GABRB1: variants seen among roughly 807,000 people sequenced by gnomAD.
GABRB1 encodes gamma-aminobutyric acid type A receptor subunit beta1.
Under a neutral mutation model 51.6 loss-of-function variants are expected in GABRB1, and 17 were observed. That is an observed-to-expected ratio of 0.33 (90% CI 0.23 to 0.49). The LOEUF (loss-of-function observed/expected upper bound fraction) is 0.49, where lower values mean the gene tolerates loss of function less well. Among genes scored for constraint, GABRB1 ranks in the 20% least tolerant of loss-of-function variants. GABRB1 has a pLI of 0.99. For synonymous variants in GABRB1, 247 were observed against 218.9 expected, an observed-to-expected ratio of 1.13 and a Z score of -1.14; for missense variants, 410 against 600.6, an observed-to-expected ratio of 0.68 and a Z score of 3.32.
chr4:46,995,153 C>T (rs550671928), intron 1 of GABRB1, among the ~76,000 whole-genome samples: 19 of 152,226 alleles, frequency 1.2e-4, no homozygotes, highest in African/African-American at 4.6e-4. Flanking sequence ...GTGCATGGCA[C>T]ATAGAATGTC....
At chr4:47,207,401 T>C (rs1441879233) in intron 4 of GABRB1, among the ~76,000 whole-genome samples, 2 of 151,994 alleles carry the variant, frequency 1.3e-5, no homozygotes, top group Non-Finnish European at 2.9e-5. Flanking sequence ...ACTTTTGTCA[T>C]AATGTTCTGC....
intron 4 of GABRB1, among the ~76,000 whole-genome samples, chr4:47,260,214 G>A (rs904716719): frequency 2.6e-5 from 4 of 151,784 alleles, no homozygotes; most frequent in East Asian, 1.9e-4. Context: ...TTGAGCCTAT[G>A]TGTGTCTCTG....
intron 3 of GABRB1, among the ~76,000 whole-genome samples, chr4:47,096,885 G>A (rs1714465716): frequency 6.6e-6 from 1 of 152,288 alleles, no homozygotes; most frequent in South Asian, 2.1e-4. Flanking sequence ...AAGGAGCACA[G>A]CCCTGCACGG....
chr4:47,012,397 G>A (rs1724607938), intron 1 of GABRB1, among the ~76,000 whole-genome samples: 4 of 151,938 alleles, frequency 2.6e-5, no homozygotes, highest in Non-Finnish European at 5.9e-5. Flanking sequence ...CCCTCTATGT[G>A]TCCAGGTGTT....
intron 4 of GABRB1, among the ~76,000 whole-genome samples, chr4:47,250,128 T>C (rs1432547236): frequency 2.0e-5 from 3 of 152,200 alleles, no homozygotes; most frequent in Non-Finnish European, 4.4e-5. Flanking sequence ...TTTTAACAGT[T>C]CTTATAGTGG....
intron 3 of GABRB1, among the ~76,000 whole-genome samples, chr4:47,087,989 A>G (rs1292318424): frequency 1.3e-5 from 2 of 152,168 alleles, no homozygotes; most frequent in Admixed American, 6.5e-5. Flanking sequence ...CAAAATGGCA[A>G]TTTCTACGTT....
chr4:47,031,976 A>G lies in GABRB1; in HGVS notation c.143A>G (p.Tyr48Cys). ...ACAGTGGACAGATTGCTCAAAGGAT[A>G]TGACATTCGCTTGCGGCCGGACTTC... ...KETVDRLLKG[Y>C]DIRLRPDFGG... is the part of the protein sequence containing the mutation. Residue 48 changes from tyrosine to cysteine, a missense_variant, in exon 2 of 9, where the codon TAT (tyrosine) becomes TGT (cysteine). Tyr to Cys is a radical substitution (Grantham distance 194, BLOSUM62 -2). This residue lies in a region of GABRB1 where 100 missense variants were observed against 184.3 expected (regional missense o/e 0.54). Coordinates refer to ENST00000295454, the MANE Select transcript of GABRB1 (RefSeq NM_000812.4). 6.2e-7 allele frequency: 1 copy of G among 1,612,316 alleles called. No homozygotes were observed. The highest frequency in any genetic ancestry group is 8.5e-7 in the Non-Finnish European group (1 of 1,179,754).
intron 5 of GABRB1, among the ~76,000 whole-genome samples, chr4:47,380,481 C>A (rs569041738): frequency 1.6e-4 from 25 of 152,314 alleles, no homozygotes; most frequent in African/African-American, 5.8e-4. Flanking sequence ...GCCCCATCTT[C>A]ATGCTCAGAG....
chr4:47,031,394 T>C (rs1725289119), upstream of GABRB1: 3 of 529,120 alleles, frequency 5.7e-6, no homozygotes, highest in African/African-American at 5.7e-5. Flanking sequence ...CACATGCTCG[T>C]AGGATCCCCT....
chr4:47,194,842 G>A (rs1461246232), intron 4 of GABRB1, among the ~76,000 whole-genome samples: 1 of 152,168 alleles, frequency 6.6e-6, no homozygotes. Flanking sequence ...TCCTTAAATA[G>A]CCACAGTCAG....
chr4:47,019,668 TTTCTTTCTTTCC>T (rs1339552078), intron 1 of GABRB1, among the ~76,000 whole-genome samples: 3 of 143,624 alleles, frequency 2.1e-5, no homozygotes, highest in East Asian at 4.0e-4. Context: ...TCTTTCTTTC[TTTCTTTCTTTCC>T]TTCTTTCCTT....
rs1487250437 is a variant in GABRB1 at position 47,321,423 on chromosome 4, C to T, written c.544+1214C>T. On this transcript the variant is annotated intron_variant, in intron 5 of 8. Coordinates refer to ENST00000295454, the MANE Select transcript of GABRB1 (RefSeq NM_000812.4). Reference sequence around the variant, plus strand: ...TTACACATAGACATTGACCTACTACCACTAAAACCTAGAATGAACAAGAAA... The same window carrying T: ...TTACACATAGACATTGACCTACTACTACTAAAACCTAGAATGAACAAGAAA... Among the ~76,000 whole-genome samples the T allele has an allele frequency of 2.6e-5, 4 of 152,216 alleles. No homozygotes were observed. In the South Asian group the frequency reaches 6.2e-4, roughly 24 times the overall value.
chr4:47,347,045 G>T (rs1726124195), intron 5 of GABRB1, among the ~76,000 whole-genome samples: 1 of 152,222 alleles, frequency 6.6e-6, no homozygotes, highest in South Asian at 2.1e-4. Flanking sequence ...ACTCTGGGAG[G>T]CTGAGGCGGG....
chr4:47,116,580 G>A (rs1181318637), intron 3 of GABRB1, among the ~76,000 whole-genome samples: 4 of 152,062 alleles, frequency 2.6e-5, no homozygotes, highest in African/African-American at 9.7e-5. Flanking sequence ...AAATTAGTTT[G>A]GCTGTTAAGT....
intron 5 of GABRB1, among the ~76,000 whole-genome samples, chr4:47,347,504 C>T (rs1726145797): frequency 6.6e-6 from 1 of 152,092 alleles, no homozygotes; most frequent in East Asian, 1.9e-4. Context: ...GCCGTATATG[C>T]TGTTGCCAAC....
At chr4:47,183,239 C>A (rs1719029846) in intron 4 of GABRB1, among the ~76,000 whole-genome samples, 1 of 150,448 alleles carries the variant, frequency 6.6e-6, no homozygotes, top group Admixed American at 6.7e-5. Flanking sequence ...GAGAGAACTG[C>A]TAATATTTAA....
chr4:47,029,966 T>A (rs568662486), upstream of GABRB1, among the ~76,000 whole-genome samples: 85 of 152,274 alleles, frequency 5.6e-4, no homozygotes, highest in African/African-American at 1.9e-3. Context: ...ATATTCCTTC[T>A]CTTTTTTTCT....
At chr4:47,078,692 A>T (rs925230571) in intron 3 of GABRB1, among the ~76,000 whole-genome samples, 7 of 152,168 alleles carry the variant, frequency 4.6e-5, no homozygotes, top group Non-Finnish European at 1.0e-4. Flanking sequence ...TTTCAGCTCT[A>T]ACATCCTATA....
intron 5 of GABRB1, among the ~76,000 whole-genome samples, chr4:47,401,823 G>T (rs4695228): frequency 5.4e-4 from 20 of 36,986 alleles, no homozygotes; most frequent in Middle Eastern, 0.013. Flanking sequence ...TATCTATCTA[G>T]CTATCTATCT....
Sources: allele counts gnomAD v4.1 joint callset (sites outside exome capture counted in the v4.1 genomes callset), GRCh38; gene constraint gnomAD v4.1.1; regional missense constraint gnomAD v4.1.1; transcripts MANE v1.5; gene names NCBI Gene and HGNC (gene_info 2026-07-23, HGNC 2026-07-21).